EDA: variants seen among roughly 807,000 people sequenced by gnomAD.
EDA encodes the protein ectodysplasin-A.
In EDA, 2 loss-of-function variants were observed where a neutral mutation model predicts 23.6. The observed-to-expected ratio is 0.08, with a 90% confidence interval of 0.03 to 0.27. EDA has a LOEUF of 0.27. EDA is among the 10% of genes least tolerant of loss of function. EDA has a pLI of 1.00. For missense variants in EDA, 229 were observed against 324.2 expected (o/e 0.71, Z 2.26); for synonymous variants, 131 against 132.0 (o/e 0.99, Z 0.05).
chrX:69,673,396 T>G, intron 1 of EDA, among the ~76,000 whole-genome samples: 1 of 111,017 alleles, frequency 9.0e-6, no homozygotes, highest in South Asian at 3.9e-4. Context: ...TAGGAAAGGG[T>G]GATGGAAACT....
intron 2 of EDA, among the ~76,000 whole-genome samples, chrX:69,967,503 A>G (rs2019191294): frequency 8.9e-6 from 1 of 111,828 alleles, no homozygotes; most frequent in African/African-American, 3.3e-5. Flanking sequence ...GCAGTCCAAG[A>G]TATGCATCTG....
chrX:69,918,796 T>A (rs1314929317), intron 1 of EDA, among the ~76,000 whole-genome samples: 1 of 111,572 alleles, frequency 9.0e-6, no homozygotes, highest in Non-Finnish European at 1.9e-5. Context: ...AATAAATTTA[T>A]TTTTGACAGA....
At chrX:69,956,271 T>TTTTCTTTCTTTCTTTC (rs533655797) in intron 1 of EDA, among the ~76,000 whole-genome samples, 72 of 81,226 alleles carry the variant, frequency 8.9e-4, no homozygotes, top group African/African-American at 2.8e-3. Context: ...AAATTCAAGG[T>TTTTCTTTCTTTCTTTC]TTTCTTTCTT....
At chrX:69,788,574 G>A (rs1409866101) in intron 1 of EDA, among the ~76,000 whole-genome samples, 3 of 111,819 alleles carry the variant, frequency 2.7e-5, no homozygotes, top group Non-Finnish European at 5.7e-5. Context: ...GTCTGCCCCT[G>A]CTGGGGGGTG....
At chrX:70,019,057 G>C (rs1211480137) in intron 2 of EDA, among the ~76,000 whole-genome samples, 1 of 112,143 alleles carries the variant, frequency 8.9e-6, no homozygotes, top group Non-Finnish European at 1.9e-5. Flanking sequence ...CTTTTCAAAA[G>C]AAGACATATA....
chrX:69,940,596 C>A (rs1286050929), intron 1 of EDA, among the ~76,000 whole-genome samples: 1 of 109,733 alleles, frequency 9.1e-6, no homozygotes, highest in Non-Finnish European at 1.9e-5. Flanking sequence ...ATTATTATTT[C>A]TTTTCTTCTA....
chrX:69,751,182 G>A (rs79197521), intron 1 of EDA, among the ~76,000 whole-genome samples: 32,864 of 89,322 alleles, frequency 0.37, 5,115 homozygotes, highest in Middle Eastern at 0.6. Context: ...TCTTTAATCC[G>A]TCTTGAATTA....
intron 1 of EDA, among the ~76,000 whole-genome samples, chrX:69,942,217 T>C (rs774867135): frequency 1.2e-4 from 13 of 111,826 alleles, no homozygotes; most frequent in Non-Finnish European, 2.5e-4. Flanking sequence ...GGATAAGAGT[T>C]ATTTACACAC....
chrX:69,904,897 A>G (rs2018155765), intron 1 of EDA, among the ~76,000 whole-genome samples: 2 of 112,085 alleles, frequency 1.8e-5, no homozygotes, highest in Non-Finnish European at 3.8e-5. Context: ...TTTTTGTTAT[A>G]AGTACCACAT....
At chrX:69,823,662 A>G (rs2016309049) in intron 1 of EDA, among the ~76,000 whole-genome samples, 1 of 95,928 alleles carries the variant, frequency 1.0e-5, no homozygotes, top group Non-Finnish European at 2.0e-5. Context: ...GTTCACTCTG[A>G]TGGTAGTTTC....
intron 1 of EDA, among the ~76,000 whole-genome samples, chrX:69,706,783 A>G (rs1377115474): frequency 1.8e-5 from 2 of 111,530 alleles, no homozygotes; most frequent in Non-Finnish European, 3.8e-5. Flanking sequence ...GCCTCCAGGT[A>G]GCAGGCTTCA....
At chrX:69,720,807 G>A (rs2012551453) in intron 1 of EDA, among the ~76,000 whole-genome samples, 1 of 112,295 alleles carries the variant, frequency 8.9e-6, no homozygotes, top group Admixed American at 9.4e-5. Flanking sequence ...TATAATAGCT[G>A]CTTTCAAATG....
In EDA at chrX:70,034,032, A is replaced by G. The variant is rs747593982; in HGVS notation, c.924+504A>G. 1.6e-4 allele frequency among the ~76,000 whole-genome samples: 18 copies of G among 110,700 alleles called. No individual in the cohort carries two copies. The South Asian group carries it at 6.6e-3, about 41-fold the overall frequency. On this transcript the variant is annotated intron_variant, in intron 7 of 7. Coordinates refer to ENST00000374552, the MANE Select transcript of EDA (RefSeq NM_001399.5). ...TCCTCTTTCTCCCATTTGTTTCCCT[A>G]TCTTTCTATTCCTCTATTCTTGCCT...
chrX:69,836,447 G>A (rs2016777210), intron 1 of EDA, among the ~76,000 whole-genome samples: 1 of 112,279 alleles, frequency 8.9e-6, no homozygotes, highest in Non-Finnish European at 1.9e-5. Flanking sequence ...AATGGCAGAC[G>A]CCCCTCCCCC....
intron 2 of EDA, among the ~76,000 whole-genome samples, chrX:70,008,744 G>A (rs780291339): frequency 1.1e-3 from 124 of 110,904 alleles, no homozygotes; most frequent in Middle Eastern, 9.3e-3. Flanking sequence ...ACATGTGCAG[G>A]TTTGCTATAT....
At chrX:69,681,246 C>T (rs1185807269) in intron 1 of EDA, among the ~76,000 whole-genome samples, 3 of 110,241 alleles carry the variant, frequency 2.7e-5, no homozygotes, top group African/African-American at 6.6e-5. Flanking sequence ...TCTCTGGTTG[C>T]CCTTAACATT....
intron 1 of EDA, among the ~76,000 whole-genome samples, chrX:69,663,901 T>G (rs932036794): frequency 1.8e-5 from 2 of 112,475 alleles, no homozygotes; most frequent in Non-Finnish European, 3.8e-5. Flanking sequence ...TGCTAGATTT[T>G]GGACTTGCAT....
intron 1 of EDA, among the ~76,000 whole-genome samples, chrX:69,850,353 A>G (rs190962942): frequency 3.6e-4 from 40 of 112,336 alleles, no homozygotes; most frequent in African/African-American, 1.0e-3. Context: ...CTGAAGAAGT[A>G]GGAATGGTTT....
chrX:69,979,992 G>A (rs1305488242), intron 2 of EDA, among the ~76,000 whole-genome samples: 1 of 110,418 alleles, frequency 9.1e-6, no homozygotes, highest in East Asian at 2.8e-4. Context: ...GAAAAGTCCA[G>A]GATCTGTTTT....
Sources: gnomAD v4.1 joint callset for allele counts (sites outside exome capture counted in the v4.1 genomes callset) on GRCh38, gnomAD v4.1.1 for gene constraint, MANE v1.5 for transcripts, NCBI Gene and HGNC (gene_info 2026-07-23, HGNC 2026-07-21) for gene names.